The following FBXL17 variants were observed in gnomAD, a reference collection of about 807,000 sequenced individuals.
The protein encoded by FBXL17 is F-box and leucine rich repeat protein 17.
Under a neutral mutation model 66.2 loss-of-function variants are expected in FBXL17, and 22 were observed. That is an observed-to-expected ratio of 0.33 (90% confidence interval 0.24 to 0.47). The LOEUF (loss-of-function observed/expected upper bound fraction) is 0.47. Among genes scored for constraint, FBXL17 ranks in the 20% least tolerant of loss-of-function variants. The pLI, the probability that FBXL17 is intolerant of heterozygous loss-of-function variation, is 1.00. For missense variants in FBXL17, 878 were observed against 948.2 expected (o/e 0.93, Z 0.97); for synonymous variants, 474 against 400.5 (o/e 1.18, Z -2.19).
chr5:108,336,855 T>C (rs913759372), intron 4 of FBXL17, among the ~76,000 whole-genome samples: 2 of 152,198 alleles, frequency 1.3e-5, no homozygotes, highest in East Asian at 3.8e-4. Context: ...GAATTTTACG[T>C]CCTAAAAGCT....
chr5:108,075,681 T>G (rs1197644034), intron 6 of FBXL17, among the ~76,000 whole-genome samples: 1 of 152,198 alleles, frequency 6.6e-6, no homozygotes, highest in African/African-American at 2.4e-5. Context: ...TTCACCATGT[T>G]GGCCAGGCTG....
chr5:108,210,980 G>T (rs1428643614), intron 5 of FBXL17, among the ~76,000 whole-genome samples: 1 of 152,166 alleles, frequency 6.6e-6, no homozygotes, highest in African/African-American at 2.4e-5. Context: ...CTTGCTTTAT[G>T]AATCTAGGTG....
At chr5:108,083,388 C>A (rs1044469509) in intron 6 of FBXL17, among the ~76,000 whole-genome samples, 1 of 152,058 alleles carries the variant, frequency 6.6e-6, no homozygotes, top group African/African-American at 2.4e-5. Context: ...ACTTGTGAAA[C>A]AAAGCATCCA....
intron 3 of FBXL17, among the ~76,000 whole-genome samples, chr5:108,355,773 C>T (rs761507127): frequency 3.1e-4 from 47 of 152,058 alleles, no homozygotes; most frequent in Admixed American, 1.0e-3. Context: ...CATTAAAATG[C>T]TCAATTACAA....
chr5:108,161,131 G>C (rs776629157), intron 6 of FBXL17, among the ~76,000 whole-genome samples: 1 of 147,738 alleles, frequency 6.8e-6, no homozygotes, highest in Non-Finnish European at 1.5e-5. Context: ...AAAAAACTGT[G>C]GCATGTTGGG....
At chr5:108,274,267 T>C (rs958096706) in intron 4 of FBXL17, among the ~76,000 whole-genome samples, 6 of 152,126 alleles carry the variant, frequency 3.9e-5, no homozygotes, top group Non-Finnish European at 8.8e-5. Flanking sequence ...GTCTCGACCA[T>C]AAGAGACGAC....
intron 4 of FBXL17, among the ~76,000 whole-genome samples, chr5:108,336,732 GACTTT>G (rs1339818762): frequency 1.3e-5 from 2 of 152,116 alleles, no homozygotes; most frequent in East Asian, 3.9e-4. Context: ...ACTTATTTGG[GACTTT>G]ACTTCTTCAA....
At chr5:108,283,657 C>A (rs1459203873) in intron 4 of FBXL17, among the ~76,000 whole-genome samples, 1 of 151,536 alleles carries the variant, frequency 6.6e-6, no homozygotes, top group Non-Finnish European at 1.5e-5. Context: ...AAAGCAGAGG[C>A]AACAAAAACA....
chr5:107,907,887 T>C (rs1291201889), intron 7 of FBXL17, among the ~76,000 whole-genome samples: 16 of 152,058 alleles, frequency 1.1e-4, no homozygotes, highest in East Asian at 1.9e-4. Context: ...GTCAGTGTGG[T>C]GATTCCTCAG....
At chr5:108,358,716 G>A (rs1748151940) in intron 3 of FBXL17, among the ~76,000 whole-genome samples, 1 of 152,010 alleles carries the variant, frequency 6.6e-6, no homozygotes, top group Non-Finnish European at 1.5e-5. Flanking sequence ...AAGAAGTGTT[G>A]CCTCCTCTTC....
chr5:107,925,091 A>T (rs1580717109), intron 7 of FBXL17, among the ~76,000 whole-genome samples: 2 of 152,328 alleles, frequency 1.3e-5, no homozygotes, highest in Admixed American at 6.5e-5. Context: ...TTTCATATAG[A>T]TGTGATGTAA....
chr5:108,183,694 G>A (rs762860901), intron 6 of FBXL17, among the ~76,000 whole-genome samples: 4 of 152,052 alleles, frequency 2.6e-5, no homozygotes, highest in African/African-American at 9.7e-5. Context: ...GTACCCCATA[G>A]GCAGTTTTTA....
chr5:108,216,558 A>G (rs1754606962), intron 5 of FBXL17, among the ~76,000 whole-genome samples: 1 of 152,056 alleles, frequency 6.6e-6, no homozygotes, highest in Admixed American at 6.5e-5. Flanking sequence ...AAATTTGTAT[A>G]TATTTATGGT....
At chr5:108,338,817 T>C (rs1234512382) in intron 4 of FBXL17, among the ~76,000 whole-genome samples, 3 of 152,162 alleles carry the variant, frequency 2.0e-5, no homozygotes, top group Non-Finnish European at 4.4e-5. Flanking sequence ...CAGGTAACTT[T>C]ATGTTCAAAC....
intron 7 of FBXL17, among the ~76,000 whole-genome samples, chr5:107,966,235 A>T (rs1752132094): frequency 6.6e-6 from 1 of 152,096 alleles, no homozygotes; most frequent in East Asian, 1.9e-4. Context: ...AAATGGCTCA[A>T]AGGGATAAGC....
rs1748057441 is a variant in FBXL17, at chr5:107,859,388, C to CCGT, written c.*2331_*2332insACG. On this transcript the variant is annotated 3_prime_UTR_variant, in exon 9 of 9. Transcript: ENST00000542267. The stretch of plus-strand genomic sequence containing the variant: ...CACTCAAGGTGATGCTTTTTTCTGG[C>CCGT]TGTTTTTTTTTTTTTTTTTTTTTTT... 2.9e-5 allele frequency: 2 copies of CCGT among 68,462 alleles called. No homozygotes were observed. The highest frequency in any genetic ancestry group is 6.0e-5 in the Non-Finnish European group (2 of 33,102). The allele number at this position is 68,462 out of a possible 1,614,324, so 4.2% of individuals were successfully genotyped here.
Position 108,064,179 on chromosome 5 carries a change from C to A in FBXL17, c.1746-43178G>T, listed in dbSNP as rs1345780905. Among the ~76,000 whole-genome samples, 12 of 152,202 alleles carry A rather than the reference C, an allele frequency of 7.9e-5. No homozygotes were observed. The East Asian group carries it at 2.3e-3, about 29-fold the overall frequency. On this transcript the variant is annotated intron_variant, in intron 6 of 8. Transcript: ENST00000542267. ...CCTGTTTATTAATATATATTGCAGG[C>A]ACACCTATATTTATGTCAGTCAATC...
At chr5:108,149,543 T>C (rs1352898784) in intron 6 of FBXL17, among the ~76,000 whole-genome samples, 1 of 152,192 alleles carries the variant, frequency 6.6e-6, no homozygotes, top group Non-Finnish European at 1.5e-5. Flanking sequence ...AGTCTTGGCT[T>C]CTTTTATTTT....
At chr5:108,318,536 G>A (rs543459080) in intron 4 of FBXL17, among the ~76,000 whole-genome samples, 4 of 151,732 alleles carry the variant, frequency 2.6e-5, no homozygotes, top group South Asian at 2.1e-4. Context: ...TAGTTTTAAA[G>A]GCTAATAGCA....
Sources: allele counts gnomAD v4.1 joint callset (sites outside exome capture counted in the v4.1 genomes callset), GRCh38; gene constraint gnomAD v4.1.1; transcripts MANE v1.5; gene names NCBI Gene and HGNC (gene_info 2026-07-23, HGNC 2026-07-21).